The following SUGCT variants were observed in gnomAD, a reference collection of about 807,000 sequenced individuals.
The protein encoded by SUGCT is succinyl-CoA:glutarate CoA-transferase.
Under a neutral mutation model 55.0 loss-of-function variants are expected in SUGCT, and 41 were observed. That is an observed-to-expected ratio of 0.74 (90% CI 0.58 to 0.97). The LOEUF is 0.97. Among genes scored for constraint, SUGCT ranks in the 50% least tolerant of loss-of-function variants. SUGCT has a pLI of 0.00. For synonymous variants in SUGCT, 187 were observed against 200.4 expected (o/e 0.93, Z 0.56); for missense variants, 568 against 547.8 (o/e 1.04, Z -0.37).
chr7:40,806,855 A>G (rs1791123801), intron 13 of SUGCT, among the ~76,000 whole-genome samples: 2 of 152,302 alleles, frequency 1.3e-5, no homozygotes, highest in South Asian at 2.1e-4. Context: ...CCTGAGGATG[A>G]GGGAATCTGT....
At chr7:40,404,540 G>A (rs1198297587) in intron 9 of SUGCT, among the ~76,000 whole-genome samples, 8 of 151,918 alleles carry the variant, frequency 5.3e-5, no homozygotes, top group African/African-American at 9.7e-5. Flanking sequence ...TGGGTTAAGC[G>A]ATTCTCCTGC....
intron 13 of SUGCT, among the ~76,000 whole-genome samples, chr7:40,852,437 G>GT (rs901154660): frequency 6.6e-5 from 10 of 151,888 alleles, no homozygotes; most frequent in Admixed American, 2.0e-4. Flanking sequence ...ATTCCTTATT[G>GT]TAAGTCCTGC....
intron 13 of SUGCT, among the ~76,000 whole-genome samples, chr7:40,758,531 A>G (rs1213902152): frequency 3.9e-5 from 6 of 152,148 alleles, no homozygotes; most frequent in African/African-American, 9.7e-5. Context: ...TAGGAAATGT[A>G]TCATATCCCA....
intron 1 of SUGCT, among the ~76,000 whole-genome samples, chr7:40,159,802 A>G (rs1392731399): frequency 6.6e-6 from 1 of 152,168 alleles, no homozygotes; most frequent in African/African-American, 2.4e-5. Flanking sequence ...GTGCCTCAAC[A>G]ATGGTAAACA....
chr7:40,207,529 C>A (rs1473690007), intron 6 of SUGCT, among the ~76,000 whole-genome samples: 1 of 152,054 alleles, frequency 6.6e-6, no homozygotes, highest in Non-Finnish European at 1.5e-5. Context: ...AAAAATTAAA[C>A]ACGGAAGCTG....
the SUGCT span, among the ~76,000 whole-genome samples, chr7:40,885,050 A>G: frequency 6.6e-6 from 1 of 152,174 alleles, no homozygotes; most frequent in Admixed American, 6.5e-5. Flanking sequence ...TGAAAAATAA[A>G]CATCAGATCA....
intron 1 of SUGCT, among the ~76,000 whole-genome samples, chr7:40,144,082 C>A (rs1325188025): frequency 3.3e-5 from 5 of 152,202 alleles, no homozygotes; most frequent in African/African-American, 7.2e-5. Context: ...AAGCTCTACA[C>A]TGGGGGGCAA....
the SUGCT span, among the ~76,000 whole-genome samples, chr7:40,894,056 G>GAAAA: frequency 1.5e-5 from 2 of 134,844 alleles, no homozygotes; most frequent in Non-Finnish European, 3.1e-5. Flanking sequence ...TCTGTCTTAA[G>GAAAA]AAGAAAAAAA....
the SUGCT span, among the ~76,000 whole-genome samples, chr7:41,013,297 G>A: frequency 3.9e-5 from 6 of 152,174 alleles, no homozygotes; most frequent in African/African-American, 7.2e-5. Context: ...ATTTGGTACC[G>A]CGTTCTTCTT....
In SUGCT at chr7:40,797,927, C is replaced by T. The variant is rs886602492; in HGVS notation, c.1153+48430C>T. Among the ~76,000 whole-genome samples the T allele has an allele frequency of 1.1e-4, 16 of 152,350 alleles. 1 individual carries two copies. The highest frequency in any genetic ancestry group is 1.0e-3 in the Admixed American group (16 of 15,302). Reference sequence around the variant, plus strand: ...TGCTTGTCTTGCCCTATGGCCAACTCATGCTGTATTGATTAGCCACTCAGA... The same window carrying T: ...TGCTTGTCTTGCCCTATGGCCAACTTATGCTGTATTGATTAGCCACTCAGA... On this transcript the variant is annotated intron_variant, in intron 13 of 13. Coordinates refer to ENST00000335693, the MANE Select transcript of SUGCT (RefSeq NM_001193313.2).
At chr7:40,257,463 G>A (rs1790886267) in intron 7 of SUGCT, among the ~76,000 whole-genome samples, 2 of 151,790 alleles carry the variant, frequency 1.3e-5, no homozygotes, top group South Asian at 4.2e-4. Context: ...TCAACAAACT[G>A]AAAACATTTC....
chr7:40,232,504 G>C (rs1282170809), intron 6 of SUGCT, among the ~76,000 whole-genome samples: 2 of 152,154 alleles, frequency 1.3e-5, no homozygotes, highest in Non-Finnish European at 2.9e-5. Flanking sequence ...ACCTCCAAAA[G>C]TATAACCATT....
At chr7:40,606,303 T>A (rs1798534079) in intron 12 of SUGCT, among the ~76,000 whole-genome samples, 1 of 152,162 alleles carries the variant, frequency 6.6e-6, no homozygotes, top group Non-Finnish European at 1.5e-5. Flanking sequence ...ATGACACTGA[T>A]AACAGGATGA....
chr7:40,170,756 G>T (rs1301762497), intron 1 of SUGCT, among the ~76,000 whole-genome samples: 3 of 150,172 alleles, frequency 2.0e-5, no homozygotes, highest in Admixed American at 2.0e-4. Flanking sequence ...GCCCAACATT[G>T]CCTTTGCACT....
chr7:40,234,265 C>T (rs1162212520), intron 6 of SUGCT, among the ~76,000 whole-genome samples: 3 of 152,212 alleles, frequency 2.0e-5, no homozygotes, highest in Non-Finnish European at 4.4e-5. Context: ...AGGTGGTTCA[C>T]AGTGCACAGG....
At chr7:40,890,254 T>A in the SUGCT span, among the ~76,000 whole-genome samples, 1 of 144,026 alleles carries the variant, frequency 6.9e-6, no homozygotes, top group African/African-American at 2.5e-5. Flanking sequence ...TTATATTATA[T>A]ATTTATATTA....
At chr7:40,683,758 A>C (rs967773637) in intron 12 of SUGCT, among the ~76,000 whole-genome samples, 2 of 152,358 alleles carry the variant, frequency 1.3e-5, no homozygotes, top group Admixed American at 1.3e-4. Context: ...TCACTTAAGT[A>C]GGTAACTGCG....
the SUGCT span, among the ~76,000 whole-genome samples, chr7:40,886,906 T>G: frequency 6.6e-6 from 1 of 152,216 alleles, no homozygotes; most frequent in Non-Finnish European, 1.5e-5. Flanking sequence ...AATAACCACT[T>G]CAGGAACTTG....
rs1786170727 is a variant in SUGCT, at chr7:40,195,126, A to G, written c.484+66A>G. 3.4e-6 allele frequency: 5 copies of G among 1,453,398 alleles called. No homozygotes were observed. The Admixed American group carries it at 7.5e-5, about 22-fold the overall frequency. The allele number at this position is 1,453,398 out of a possible 1,614,324, so 90.0% of individuals were successfully genotyped here. ...AGTTTCTGTGTTTTCTTATTGCTATAAGAAACCTTTTGCTGGCTTTTTTTT... is the reference window on the plus strand; with the variant it reads ...AGTTTCTGTGTTTTCTTATTGCTATGAGAAACCTTTTGCTGGCTTTTTTTT... On this transcript the variant is annotated intron_variant, in intron 6 of 13. Transcript: ENST00000335693.
Sources: allele counts gnomAD v4.1 joint callset (sites outside exome capture counted in the v4.1 genomes callset), GRCh38; gene constraint gnomAD v4.1.1; transcripts MANE v1.5; gene names NCBI Gene and HGNC (gene_info 2026-07-23, HGNC 2026-07-21).